FAM81A: variants seen among roughly 807,000 people sequenced by gnomAD.
The protein encoded by FAM81A is protein FAM81A.
In FAM81A, 19 loss-of-function variants were observed where a neutral mutation model predicts 46.7. The ratio of observed to expected loss-of-function variants is 0.41; its 90% CI spans 0.28 to 0.60. The LOEUF is 0.60. FAM81A is among the 20% of genes least tolerant of loss of function. The probability of loss-of-function intolerance (pLI) is 0.34; values close to 1 mark genes in which losing one functional copy is unlikely to be tolerated. For missense variants in FAM81A, 377 were observed against 453.5 expected (o/e 0.83, Z 1.53); for synonymous variants, 183 against 152.9 (o/e 1.20, Z -1.45).
intron 7 of FAM81A, among the ~76,000 whole-genome samples, chr15:59,516,201 A>C (rs2082264833): frequency 6.8e-6 from 1 of 147,710 alleles, no homozygotes; most frequent in African/African-American, 2.5e-5. Flanking sequence ...ATCTTGGCTC[A>C]CTGCAACCTC....
At chr15:59,501,159 A>C (rs2082086936) in intron 4 of FAM81A, among the ~76,000 whole-genome samples, 1 of 152,162 alleles carries the variant, frequency 6.6e-6, no homozygotes, top group Non-Finnish European at 1.5e-5. Context: ...AGCGACTTGA[A>C]TGGACTCTTT....
At chr15:59,507,062 A>T (rs1316936172) in intron 4 of FAM81A, 151 bp from the exon 5 acceptor site, 1 of 1,000,400 alleles carries the variant, frequency 1.0e-6, no homozygotes, top group African/African-American at 1.6e-5. Context: ...TAATGAGGCC[A>T]GCTCTTGGAA....
intron 3 of FAM81A, among the ~76,000 whole-genome samples, chr15:59,479,354 T>TA (rs1254759588): frequency 6.6e-6 from 1 of 151,364 alleles, no homozygotes; most frequent in African/African-American, 2.4e-5. Context: ...CTACTAAAAA[T>TA]ACAAAAATTA....
chr15:59,487,173 AATAT>A (rs60734980), intron 3 of FAM81A, among the ~76,000 whole-genome samples: 1 of 144,592 alleles, frequency 6.9e-6, no homozygotes, highest in African/African-American at 2.5e-5. Context: ...AGCACTCCTG[AATAT>A]ATATATATAT....
Position 59,509,194 on chromosome 15 carries a change from G to A in FAM81A, c.650+225G>A, listed in dbSNP as rs117473344. 1.7e-4 allele frequency among the ~76,000 whole-genome samples: 26 copies of A among 152,260 alleles called. 1 individual carries two copies. The East Asian group carries it at 5.0e-3, about 29-fold the overall frequency. On this transcript the variant is annotated intron_variant, in intron 6 of 8. Transcript: ENST00000288228. ...TATTCATTCAACAAGTGTATATTGAGTATTCATTGGCCTAGGGGCTGAGGA... is the reference window on the plus strand; with the variant it reads ...TATTCATTCAACAAGTGTATATTGAATATTCATTGGCCTAGGGGCTGAGGA...
At chr15:59,453,708 T>G in intron 1 of FAM81A, among the ~76,000 whole-genome samples, 1 of 147,084 alleles carries the variant, frequency 6.8e-6, no homozygotes, top group African/African-American at 2.5e-5. Context: ...CAAAGGAAAA[T>G]GAAGAGGACT....
rs1322906565 is a variant in FAM81A, at chr15:59,460,265, G to T, written c.294+59G>T. On this transcript the variant is annotated intron_variant, in intron 3 of 8. Transcript: ENST00000288228. This position sits in a 1 kb window ranked among gnomAD's most constrained non-coding sequence, Gnocchi z 4.4. ...CTTTCCACAGAATTGCTCCATGTCA[G>T]GAGGTCACCCACATCTAACTCCTAC... The T allele has an allele frequency of 6.2e-7, 1 of 1,611,154 alleles. No homozygotes were observed. The highest frequency in any genetic ancestry group is 8.5e-7 in the Non-Finnish European group (1 of 1,178,006).
intron 4 of FAM81A, among the ~76,000 whole-genome samples, chr15:59,504,499 A>G (rs1167104027): frequency 6.6e-6 from 1 of 152,222 alleles, no homozygotes; most frequent in East Asian, 1.9e-4. Context: ...AAGAGTCTAT[A>G]AGAAAGTTGG....
intron 2 of FAM81A, among the ~76,000 whole-genome samples, chr15:59,411,708 G>T (rs1270567124): frequency 6.6e-6 from 1 of 152,148 alleles, no homozygotes; most frequent in Non-Finnish European, 1.5e-5. Flanking sequence ...TTGAGGCCAG[G>T]AGTTTGAGAC....
In FAM81A at chr15:59,421,737, A is replaced by G. The variant is rs79906617; in HGVS notation, c.-78+19379A>G. Reference sequence around the variant, plus strand: ...TATCTGTCTGTCTGTCTGTCTATCTATCTATCTGTCTATCTATCTATCTAT... The same window carrying G: ...TATCTGTCTGTCTGTCTGTCTATCTGTCTATCTGTCTATCTATCTATCTAT... On this transcript the variant is annotated intron_variant, in intron 2 of 4. Transcript: ENST00000558348. Among the ~76,000 whole-genome samples, 971 of 122,302 alleles carry G rather than the reference A, an allele frequency of 7.9e-3. 6 individuals carry two copies. Among genetic ancestry groups the G allele is most frequent in the African/African-American group, 0.028 (833 of 29,564 alleles). The allele number at this position is 122,302 out of a possible 152,430, so 80.2% of individuals were successfully genotyped here.
chr15:59,399,799 C>G (rs1490412311), intron 1 of FAM81A, among the ~76,000 whole-genome samples: 1 of 152,140 alleles, frequency 6.6e-6, no homozygotes, highest in Non-Finnish European at 1.5e-5. Flanking sequence ...AGCTGATTCT[C>G]TAAGTTTAGT....
chr15:59,492,422 C>T, intron 4 of FAM81A, 33 bp downstream of exon 4: 1 of 1,546,234 alleles, frequency 6.5e-7, no homozygotes, highest in South Asian at 1.1e-5. Context: ...CTCTGCTCAT[C>T]AAAAACCATT....
intron 3 of FAM81A, among the ~76,000 whole-genome samples, chr15:59,466,688 T>C (rs1460703046): frequency 2.0e-5 from 3 of 152,238 alleles, no homozygotes; most frequent in African/African-American, 4.8e-5. Flanking sequence ...TTTCTTTTGC[T>C]GTGCAGAAGC....
chr15:59,433,026 C>T (rs2081227448), intron 2 of FAM81A, among the ~76,000 whole-genome samples: 1 of 149,962 alleles, frequency 6.7e-6, no homozygotes, highest in Non-Finnish European at 1.5e-5. Context: ...CCTGTAGTCC[C>T]AGCTACTCGG....
chr15:59,492,353 T>G lies in FAM81A; in HGVS notation c.377T>G (p.Leu126Arg), dbSNP rs2081990517. Residue 126 changes from leucine (L) to arginine (R), a missense_variant, in exon 4 of 9, where the codon CTC becomes CGC. Coordinates refer to ENST00000288228, the MANE Select transcript of FAM81A (RefSeq NM_152450.3). ...TTAAAGACCCTGGAGATGCGCCAGC[T>G]CTCCGGTTTGGGAGATCTTCGAGGA... ...SALKTLEMRQ[L>R]SGLGDLRGRV... 1 of 1,613,800 alleles carries G rather than the reference T, an allele frequency of 6.2e-7. No individual in the cohort carries two copies. Among genetic ancestry groups the G allele is most frequent in the Non-Finnish European group, 8.5e-7 (1 of 1,179,834 alleles).
At chr15:59,502,690 T>G (rs1266749497) in intron 4 of FAM81A, among the ~76,000 whole-genome samples, 9 of 151,892 alleles carry the variant, frequency 5.9e-5, no homozygotes, top group African/African-American at 2.2e-4. Flanking sequence ...ATTTTTGTAT[T>G]TTTTATTTTT....
intron 1 of FAM81A, chr15:59,443,914 C>G (rs2081327547): frequency 6.6e-6 from 1 of 152,562 alleles, no homozygotes; most frequent in Admixed American, 6.5e-5. Context: ...CCTCACCAAT[C>G]AGCATTTCCT....
rs866090633 is a variant in FAM81A at position 59,460,889 on chromosome 15, T to C, written c.294+683T>C. 5.9e-5 allele frequency among the ~76,000 whole-genome samples: 9 copies of C among 152,334 alleles called. No homozygotes were observed. The highest frequency in any genetic ancestry group is 1.9e-4 in the African/African-American group (8 of 41,576). ...CTGAATATATGAATACTAATAGATA[T>C]ATGGCTAGATTAAGGAAAACTTTTG... On this transcript the variant is annotated intron_variant, in intron 3 of 8. Coordinates refer to ENST00000288228, the MANE Select transcript of FAM81A (RefSeq NM_152450.3). The surrounding 1 kb of genome is among the most constrained non-coding windows in gnomAD (Gnocchi z 4.4).
At chr15:59,488,589 A>G (rs1049378317) in intron 3 of FAM81A, among the ~76,000 whole-genome samples, 1 of 152,262 alleles carries the variant, frequency 6.6e-6, no homozygotes, top group Non-Finnish European at 1.5e-5. Context: ...ATACAAAATC[A>G]ACATACAGAA....
Sources: gnomAD v4.1 joint callset for allele counts (sites outside exome capture counted in the v4.1 genomes callset) on GRCh38, gnomAD v4.1.1 for gene constraint, Gnocchi (gnomAD v3.1) non-coding constraint, MANE v1.5 for transcripts, NCBI Gene and HGNC (gene_info 2026-07-23, HGNC 2026-07-21) for gene names.